Variants in PRKN observed in about 807,000 individuals in gnomAD.
PRKN encodes E3 ubiquitin-protein ligase parkin.
Under a neutral mutation model 59.5 loss-of-function variants are expected in PRKN, and 56 were observed. The ratio of observed to expected loss-of-function variants is 0.94; its 90% CI spans 0.76 to 1.18. The LOEUF is 1.18. Ranked by LOEUF, PRKN falls within the 50% of genes most tolerant of loss-of-function variation. The pLI, the probability that PRKN is intolerant of heterozygous loss-of-function variation, is 0.00. For missense variants in PRKN, 657 were observed against 596.4 expected (o/e 1.10, Z -1.06); for synonymous variants, 250 against 222.1 (o/e 1.13, Z -1.12).
intron 1 of PRKN, among the ~76,000 whole-genome samples, chr6:162,565,464 A>G (rs2128207222): frequency 6.6e-6 from 1 of 152,190 alleles, no homozygotes; most frequent in Admixed American, 6.5e-5. Flanking sequence ...TGGGCGGGTC[A>G]CCTGCCTGGG....
Position 161,462,244 on chromosome 6 carries a change from C to T in PRKN, c.1084-75367G>A, listed in dbSNP as rs535207412. On this transcript the variant is annotated intron_variant, in intron 9 of 11. Coordinates refer to ENST00000366898, the MANE Select transcript of PRKN (RefSeq NM_004562.3). This position sits in a 1 kb window ranked among gnomAD's most constrained non-coding sequence, Gnocchi z 4.5. ...CTAGAGAGATCAGATCAAAAGTGAG[C>T]CTGAATCATTTACATCTAACAATGT... 2.6e-5 allele frequency among the ~76,000 whole-genome samples: 4 copies of T among 152,136 alleles called. No individual in the cohort carries two copies. The highest frequency in any genetic ancestry group is 9.7e-5 in the African/African-American group (4 of 41,430).
intron 6 of PRKN, among the ~76,000 whole-genome samples, chr6:161,900,584 T>C (rs1777857412): frequency 7.8e-6 from 1 of 127,394 alleles, no homozygotes; most frequent in Non-Finnish European, 1.6e-5. Context: ...TAATATATTA[T>C]ATATTAATAT....
intron 4 of PRKN, among the ~76,000 whole-genome samples, chr6:162,144,318 T>A (rs549464535): frequency 6.6e-6 from 1 of 152,324 alleles, no homozygotes; most frequent in South Asian, 2.1e-4. Context: ...ATGACTCACA[T>A]CTTTCAAAAG....
chr6:161,842,178 G>C (rs946117721), intron 6 of PRKN, among the ~76,000 whole-genome samples: 6 of 152,048 alleles, frequency 3.9e-5, no homozygotes, highest in African/African-American at 1.4e-4. Context: ...TAAGAGAGAA[G>C]TGTTTCCTGG....
At chr6:161,430,161 T>C (rs754022743) in intron 9 of PRKN, among the ~76,000 whole-genome samples, 2 of 152,148 alleles carry the variant, frequency 1.3e-5, no homozygotes, top group African/African-American at 4.8e-5. Context: ...GGAGACATTG[T>C]CTTTGTTATA....
chr6:161,505,367 G>C (rs1778122721), intron 9 of PRKN, among the ~76,000 whole-genome samples: 2 of 88,650 alleles, frequency 2.3e-5, no homozygotes, highest in Admixed American at 1.8e-4. Flanking sequence ...CTCTTTGATG[G>C]GGTTGTTTGT....
chr6:162,568,997 A>T, intron 1 of PRKN: 1 of 688,612 alleles, frequency 1.5e-6, no homozygotes, highest in Non-Finnish European at 2.6e-6. Flanking sequence ...AGCTGTATGA[A>T]GAGGAGACCT....
chr6:162,611,508 G>C (rs549574472), intron 1 of PRKN, among the ~76,000 whole-genome samples: 1 of 152,294 alleles, frequency 6.6e-6, no homozygotes, highest in East Asian at 1.9e-4. Context: ...GGTGTATCAA[G>C]GGTGCATTAC....
intron 7 of PRKN, among the ~76,000 whole-genome samples, chr6:161,781,958 G>A (rs904656692): frequency 6.6e-6 from 1 of 152,334 alleles, no homozygotes; most frequent in East Asian, 1.9e-4. Flanking sequence ...ACTGCACTTT[G>A]CAATTGCTGA....
At chr6:162,727,514 CGGCGGCGCGGGCCGGG>C in intron 1 of PRKN, 132 bp downstream of exon 1, 1 of 876,054 alleles carries the variant, frequency 1.1e-6, no homozygotes, top group Non-Finnish European at 1.7e-6. Context: ...CTGGGGAGCC[CGGCGGCGCGGGCCGGG>C]GACGGCACGG....
intron 1 of PRKN, among the ~76,000 whole-genome samples, chr6:162,516,828 T>C (rs1427868186): frequency 6.6e-6 from 1 of 152,010 alleles, no homozygotes; most frequent in Non-Finnish European, 1.5e-5. Flanking sequence ...CATTCCTCAC[T>C]TGCATTCAGT....
intron 7 of PRKN, among the ~76,000 whole-genome samples, chr6:161,650,544 C>T (rs1447801718): frequency 6.6e-6 from 1 of 152,046 alleles, no homozygotes; most frequent in East Asian, 1.9e-4. Flanking sequence ...AGAGAGAAGA[C>T]AAACAGAGAC....
chr6:161,928,823 T>C (rs1779062122), intron 6 of PRKN, among the ~76,000 whole-genome samples: 1 of 152,186 alleles, frequency 6.6e-6, no homozygotes, highest in Non-Finnish European at 1.5e-5. Flanking sequence ...TCAAAGCATC[T>C]TTCTGCCCCT....
chr6:162,207,416 T>C (rs2128333286), intron 3 of PRKN, among the ~76,000 whole-genome samples: 1 of 152,122 alleles, frequency 6.6e-6, no homozygotes, highest in South Asian at 2.1e-4. Flanking sequence ...CATTTCACCA[T>C]TATGCAGGTT....
intron 7 of PRKN, among the ~76,000 whole-genome samples, chr6:161,625,213 C>T (rs915374851): frequency 3.9e-5 from 6 of 152,136 alleles, no homozygotes; most frequent in Non-Finnish European, 7.3e-5. Flanking sequence ...CACATATATA[C>T]CATGCAATAC....
chr6:162,504,260 G>A (rs1051922458), intron 1 of PRKN, among the ~76,000 whole-genome samples: 1 of 152,146 alleles, frequency 6.6e-6, no homozygotes, highest in African/African-American at 2.4e-5. Context: ...TTGCTAATAC[G>A]AGACACGTGT....
At chr6:161,902,552 ATTTAT>A (rs1777963978) in intron 6 of PRKN, among the ~76,000 whole-genome samples, 1 of 121,052 alleles carries the variant, frequency 8.3e-6, no homozygotes, top group Non-Finnish European at 1.7e-5. Flanking sequence ...CTATCTATTT[ATTTAT>A]TTATTTATTT....
chr6:162,427,965 C>T lies in PRKN; in HGVS notation c.171+15345G>A, dbSNP rs778876237. 3.9e-5 allele frequency among the ~76,000 whole-genome samples: 6 copies of T among 152,190 alleles called. No individual in the cohort carries two copies. The East Asian group carries it at 7.7e-4, about 20-fold the overall frequency. ...CACAATCAGAGAGCAGTACATCCAT[C>T]GCTTCAGTTTTAGTTGTAATATTTT... is the stretch of plus-strand genomic sequence containing the variant. On this transcript the variant is annotated intron_variant, in intron 2 of 11. Coordinates refer to ENST00000366898, the MANE Select transcript of PRKN (RefSeq NM_004562.3).
chr6:162,651,987 G>A (rs980450528), intron 1 of PRKN, among the ~76,000 whole-genome samples: 10 of 151,980 alleles, frequency 6.6e-5, no homozygotes, highest in Admixed American at 3.9e-4. Flanking sequence ...ACCTTATGTC[G>A]AGATTTCTCA....
Sources: allele counts gnomAD v4.1 joint callset (sites outside exome capture counted in the v4.1 genomes callset), GRCh38; gene constraint gnomAD v4.1.1; non-coding constraint Gnocchi (gnomAD v3.1); transcripts MANE v1.5; gene names NCBI Gene and HGNC (gene_info 2026-07-23, HGNC 2026-07-21).